Variants in GTF3C5 observed in about 807,000 individuals in gnomAD.
GTF3C5 encodes general transcription factor IIIC subunit 5.
GTF3C5 carries 47 observed loss-of-function variants against 61.0 expected under a neutral mutation model. The observed-to-expected ratio is 0.77, with a 90% CI of 0.61 to 0.98. The LOEUF (loss-of-function observed/expected upper bound fraction) is 0.98, where lower values mean the gene tolerates loss of function less well. Ranked by LOEUF, GTF3C5 falls within the 50% of genes least tolerant of loss-of-function variation. The pLI is 0.00. For synonymous variants in GTF3C5, 295 were observed against 275.4 expected (o/e 1.07, Z -0.71); for missense variants, 659 against 703.3 (o/e 0.94, Z 0.71).
chr9:133,054,566 G>A (rs1348825518), intron 7 of GTF3C5, 78 bp downstream of exon 7: 34 of 1,476,124 alleles, frequency 2.3e-5, no homozygotes, highest in Non-Finnish European at 2.8e-5. Context: ...AGACGGGGAG[G>A]TGGTTCCTGG....
chr9:133,047,330 C>A (rs1193483207), intron 3 of GTF3C5, among the ~76,000 whole-genome samples: 1 of 152,110 alleles, frequency 6.6e-6, no homozygotes, highest in Non-Finnish European at 1.5e-5. Flanking sequence ...ACCACCACCC[C>A]CTACTTTTTT....
At chr9:133,049,332 C>T (rs527694759) in intron 3 of GTF3C5, among the ~76,000 whole-genome samples, 1 of 152,346 alleles carries the variant, frequency 6.6e-6, no homozygotes, top group South Asian at 2.1e-4. Flanking sequence ...ATAGTGCTGA[C>T]CTGTCCCGTG....
At position 133,056,076 on chromosome 9, in the gene GTF3C5, G is replaced by A; in HGVS notation, c.1232G>A (p.Cys411Tyr). Reference protein sequence around the residue: ...PPYRQMFYQLCDLNVEELQKI... With the variant: ...PPYRQMFYQLYDLNVEELQKI... ...TATCGGCAGATGTTCTACCAGTTAT[G>A]CGACTTGAATGTGGAAGAGTACGTA... is the stretch of plus-strand genomic sequence containing the variant. The change falls in exon 9 of 11, where the codon TGC becomes TAC. Residue 411 changes from cysteine (C) to tyrosine (Y), a missense_variant. Cys to Tyr is a radical substitution (Grantham distance 194). Transcript: ENST00000372097. 1 of 1,614,038 alleles carries A rather than the reference G, an allele frequency of 6.2e-7. No individual in the cohort carries two copies. The highest frequency in any genetic ancestry group is 8.5e-7 in the Non-Finnish European group (1 of 1,179,950).
chr9:133,037,610 G>C (rs1321251495), intron 1 of GTF3C5, among the ~76,000 whole-genome samples: 1 of 152,130 alleles, frequency 6.6e-6, no homozygotes, highest in African/African-American at 2.4e-5. Flanking sequence ...TGGTAAGTAG[G>C]TTTAATGAGG....
intron 3 of GTF3C5, among the ~76,000 whole-genome samples, chr9:133,045,634 T>C (rs1194110477): frequency 1.3e-5 from 2 of 151,976 alleles, no homozygotes; most frequent in African/African-American, 4.8e-5. Flanking sequence ...GAAAGGGCCT[T>C]TTTTTCTTTT....
chr9:133,052,270 T>C (rs1261143087), intron 5 of GTF3C5, 106 bp downstream of exon 5: 1 of 621,374 alleles, frequency 1.6e-6, no homozygotes, highest in African/African-American at 1.9e-5. Context: ...CCCCCTATCC[T>C]GGCTCCCCAT....
intron 1 of GTF3C5, among the ~76,000 whole-genome samples, chr9:133,041,164 T>C (rs1407921838): frequency 6.6e-6 from 1 of 152,124 alleles, no homozygotes; most frequent in African/African-American, 2.4e-5. Flanking sequence ...GTAGCATCAG[T>C]GTCAAGGAAA....
In GTF3C5 at chr9:133,046,606, C is replaced by T. The variant is rs184801201; in HGVS notation, c.572+2680C>T. On this transcript the variant is annotated intron_variant, in intron 3 of 10. Transcript: ENST00000372097. ...GCACCTGTGGTGGCCCAGGGCACTC[C>T]CTGGAGCCTGGTGTCCACGGACAGC... is the stretch of plus-strand genomic sequence containing the variant. Among the ~76,000 whole-genome samples the T allele has an allele frequency of 2.9e-3, 447 of 152,280 alleles. 2 individuals are homozygous for T. The highest frequency in any genetic ancestry group is 0.01 in the African/African-American group (433 of 41,546).
chr9:133,036,993 C>A (rs1038727680), intron 1 of GTF3C5, among the ~76,000 whole-genome samples: 1 of 152,084 alleles, frequency 6.6e-6, no homozygotes, highest in African/African-American at 2.4e-5. Context: ...TCACCAGATA[C>A]CAGCGGGTCA....
intron 1 of GTF3C5, among the ~76,000 whole-genome samples, chr9:133,036,540 C>T (rs890106760): frequency 6.6e-6 from 1 of 152,112 alleles, no homozygotes; most frequent in Non-Finnish European, 1.5e-5. Context: ...TGAGTAAGTA[C>T]CCCTAAAGCT....
intron 3 of GTF3C5, 59 bp from the exon 4 acceptor site, chr9:133,050,724 C>G (rs939276409): frequency 7.6e-7 from 1 of 1,316,872 alleles, no homozygotes; most frequent in Non-Finnish European, 1.1e-6. Flanking sequence ...TGGTCTGGCC[C>G]AGCGGGTGCC....
At chr9:133,040,348 C>T (rs1447128167) in intron 1 of GTF3C5, among the ~76,000 whole-genome samples, 1 of 152,224 alleles carries the variant, frequency 6.6e-6, no homozygotes. Flanking sequence ...ACGTAGGTGA[C>T]CTTGTCCCAG....
At chr9:133,053,197 C>T (rs1280486833) in intron 5 of GTF3C5, among the ~76,000 whole-genome samples, 2 of 152,118 alleles carry the variant, frequency 1.3e-5, no homozygotes, top group Non-Finnish European at 2.9e-5. Flanking sequence ...CAGAAGATGT[C>T]TCATCGATTA....
chr9:133,052,039 C>T (rs373113032), intron 4 of GTF3C5, 21 bp from the exon 5 acceptor site: 196 of 1,408,284 alleles, frequency 1.4e-4, no homozygotes, highest in Non-Finnish European at 1.9e-4. Context: ...TCATCTCAGC[C>T]TCTGCCCTTG....
intron 4 of GTF3C5, among the ~76,000 whole-genome samples, chr9:133,051,276 A>G (rs752782560): frequency 4.6e-5 from 7 of 152,038 alleles, no homozygotes; most frequent in Non-Finnish European, 1.0e-4. Context: ...TCTTCCATTC[A>G]CTCATTGCAG....
intron 1 of GTF3C5, among the ~76,000 whole-genome samples, chr9:133,035,699 G>C (rs1456386371): frequency 6.6e-6 from 1 of 152,160 alleles, no homozygotes; most frequent in East Asian, 1.9e-4. Flanking sequence ...TGAAAAGTGA[G>C]CGTTTTGAGG....
rs140644141 is a variant in GTF3C5, at chr9:133,053,222, T to C, written c.874-606T>C. Among the ~76,000 whole-genome samples the C allele has an allele frequency of 1.1e-3, 161 of 152,238 alleles. 1 individual carries two copies. Among genetic ancestry groups the C allele is most frequent in the African/African-American group, 3.6e-3 (151 of 41,550 alleles). ...CTCATCGATTAGGCCAGTAGTAACA[T>C]TGGGCACTTAATATGTGCCAGGAAC... On this transcript the variant is annotated intron_variant, in intron 5 of 10. Coordinates refer to ENST00000372097, the MANE Select transcript of GTF3C5 (RefSeq NM_012087.4).
At chr9:133,045,384 C>A (rs1850172337) in intron 3 of GTF3C5, among the ~76,000 whole-genome samples, 2 of 152,196 alleles carry the variant, frequency 1.3e-5, no homozygotes, top group African/African-American at 2.4e-5. Flanking sequence ...TGGCCCAGTG[C>A]CAACGGTGTC....
At chr9:133,048,841 A>C (rs768034847) in intron 3 of GTF3C5, among the ~76,000 whole-genome samples, 1 of 152,026 alleles carries the variant, frequency 6.6e-6, no homozygotes, top group Admixed American at 6.5e-5. Flanking sequence ...CTCCCTCCCC[A>C]TGTGGTTTAT....
Sources: allele counts gnomAD v4.1 joint callset (sites outside exome capture counted in the v4.1 genomes callset), GRCh38; gene constraint gnomAD v4.1.1; transcripts MANE v1.5; gene names NCBI Gene and HGNC (gene_info 2026-07-23, HGNC 2026-07-21).